CDYL: variants seen among roughly 807,000 people sequenced by gnomAD.
CDYL encodes chromodomain Y-like protein.
Under a neutral mutation model 47.3 loss-of-function variants are expected in CDYL, and 8 were observed. The ratio of observed to expected loss-of-function variants is 0.17; its 90% confidence interval spans 0.10 to 0.31. The LOEUF (loss-of-function observed/expected upper bound fraction) is 0.31. Among genes scored for constraint, CDYL ranks in the 10% least tolerant of loss-of-function variants. The pLI is 1.00. For missense variants in CDYL, 471 were observed against 701.4 expected, an observed-to-expected ratio of 0.67 and a Z score of 3.71; for synonymous variants, 266 against 265.0, an observed-to-expected ratio of 1.00 and a Z score of -0.04.
At chr6:4,842,495 A>T (rs1760530913) in intron 1 of CDYL, among the ~76,000 whole-genome samples, 1 of 151,814 alleles carries the variant, frequency 6.6e-6, no homozygotes, top group South Asian at 2.1e-4. Context: ...TTTCTGTTGG[A>T]CTAGTCCTTT....
chr6:4,777,716 T>G (rs1329589795), intron 1 of CDYL, among the ~76,000 whole-genome samples: 1 of 152,218 alleles, frequency 6.6e-6, no homozygotes, highest in African/African-American at 2.4e-5. Flanking sequence ...GTTGAGGGAC[T>G]TAAGGAAGCA....
At chr6:4,852,352 A>T (rs1445965872) in intron 1 of CDYL, among the ~76,000 whole-genome samples, 2 of 125,762 alleles carry the variant, frequency 1.6e-5, no homozygotes, top group African/African-American at 3.2e-5. Flanking sequence ...CCTTCCTTCC[A>T]ATCTTCCTTC....
At chr6:4,894,866 TATACACAC>T (rs1344103724) in intron 2 of CDYL, among the ~76,000 whole-genome samples, 285 of 21,920 alleles carry the variant, frequency 0.013, 2 homozygotes, top group African/African-American at 0.016. Context: ...TATATGTGTA[TATACACAC>T]ATGTGTATGT....
At chr6:4,721,299 A>C (rs948461488) in intron 2 of CDYL, among the ~76,000 whole-genome samples, 1 of 152,074 alleles carries the variant, frequency 6.6e-6, no homozygotes, top group Non-Finnish European at 1.5e-5. Context: ...GTATTTTGCT[A>C]ATCTTCTCTG....
chr6:4,834,782 T>C (rs910900810), intron 1 of CDYL, among the ~76,000 whole-genome samples: 1 of 152,128 alleles, frequency 6.6e-6, no homozygotes, highest in Admixed American at 6.5e-5. Context: ...TCTTTTTATT[T>C]TTTTTTCTCT....
At chr6:4,746,314 A>G (rs1225110658) in intron 3 of CDYL, among the ~76,000 whole-genome samples, 2 of 151,622 alleles carry the variant, frequency 1.3e-5, no homozygotes, top group African/African-American at 4.9e-5. Flanking sequence ...CAATGAACCA[A>G]GATTGCCCCA....
chr6:4,790,509 C>A (rs75826745), intron 1 of CDYL, among the ~76,000 whole-genome samples: 1,535 of 152,264 alleles, frequency 0.01, 39 homozygotes, highest in African/African-American at 0.035. Flanking sequence ...GGAAAGTAGG[C>A]GGACATTTGA....
In CDYL at chr6:4,852,360, TTCCTTCCTTCC is replaced by T. The variant is rs1265958473; in HGVS notation, c.25-39340_25-39330del. On this transcript the variant is annotated intron_variant, in intron 1 of 6. Coordinates refer to ENST00000397588, the MANE Select transcript of CDYL (RefSeq NM_004824.4). Reference sequence around the variant, plus strand: ...CCTCCTTCCTTCCTTCCAATCTTCCTTCCTTCCTTCCTCCTTCCTTCCTATCTTCCTTCCTT... The same window carrying T: ...CCTCCTTCCTTCCTTCCAATCTTCCTTCCTTCCTTCCTATCTTCCTTCCTT... Among the ~76,000 whole-genome samples, 3 of 149,906 alleles carry T rather than the reference TTCCTTCCTTCC, an allele frequency of 2.0e-5. No individual in the cohort carries two copies. The East Asian group carries it at 5.9e-4, about 30-fold the overall frequency.
At chr6:4,760,767 G>C (rs775209785) in intron 3 of CDYL, among the ~76,000 whole-genome samples, 6 of 151,958 alleles carry the variant, frequency 3.9e-5, no homozygotes, top group African/African-American at 7.3e-5. Flanking sequence ...AGAAATCTGG[G>C]CTTAATATAG....
intron 3 of CDYL, among the ~76,000 whole-genome samples, chr6:4,751,783 C>A (rs1187176181): frequency 6.6e-6 from 1 of 152,196 alleles, no homozygotes; most frequent in Non-Finnish European, 1.5e-5. Context: ...GAAGAAGAAA[C>A]CATACTTAGA....
At chr6:4,942,902 CTCT>C (rs1366544883) in intron 4 of CDYL, among the ~76,000 whole-genome samples, 1 of 152,222 alleles carries the variant, frequency 6.6e-6, no homozygotes, top group Non-Finnish European at 1.5e-5. Flanking sequence ...GTGCTGTTTG[CTCT>C]TCTTGTTTGC....
chr6:4,782,375 G>A (rs1303829091), intron 1 of CDYL, among the ~76,000 whole-genome samples: 1 of 152,104 alleles, frequency 6.6e-6, no homozygotes, highest in African/African-American at 2.4e-5. Flanking sequence ...GTGAATTACA[G>A]GAATGAATCT....
At chr6:4,813,777 T>C (rs947973102) in intron 1 of CDYL, among the ~76,000 whole-genome samples, 7 of 152,194 alleles carry the variant, frequency 4.6e-5, no homozygotes, top group Non-Finnish European at 8.8e-5. Flanking sequence ...TTTTTCGTTT[T>C]TCTGTTTTTT....
intron 1 of CDYL, among the ~76,000 whole-genome samples, chr6:4,860,636 T>C (rs1032085160): frequency 6.8e-6 from 1 of 147,684 alleles, no homozygotes; most frequent in Non-Finnish European, 1.5e-5. Flanking sequence ...TTATGTATAT[T>C]ATATAATATA....
chr6:4,932,988 G>A (rs943673622), intron 2 of CDYL, among the ~76,000 whole-genome samples: 7 of 152,110 alleles, frequency 4.6e-5, no homozygotes, highest in African/African-American at 1.2e-4. Flanking sequence ...TTCTCCCTGC[G>A]TCGCCTCTTC....
chr6:4,769,003 A>G (rs997294075), intron 3 of CDYL, among the ~76,000 whole-genome samples: 10 of 152,198 alleles, frequency 6.6e-5, no homozygotes, highest in African/African-American at 2.2e-4. Context: ...CACAAAATGT[A>G]CTCTTCAAAA....
intron 3 of CDYL, among the ~76,000 whole-genome samples, chr6:4,737,728 T>C (rs1396015746): frequency 1.3e-5 from 2 of 152,032 alleles, no homozygotes; most frequent in East Asian, 3.9e-4. Context: ...GGTTTCACCA[T>C]GTTGGCCAGG....
chr6:4,820,192 AC>A (rs1023248045), intron 1 of CDYL, among the ~76,000 whole-genome samples: 35 of 152,148 alleles, frequency 2.3e-4, no homozygotes, highest in African/African-American at 8.4e-4. Flanking sequence ...GCATAAATGC[AC>A]CCAACAGGTA....
intron 5 of CDYL, chr6:4,943,962 C>G (rs1483128906): frequency 2.1e-6 from 1 of 481,088 alleles, no homozygotes; most frequent in Non-Finnish European, 3.7e-6. Flanking sequence ...GAGGAGCCTA[C>G]CACTTTGCAT....
Sources: allele counts gnomAD v4.1 joint callset (sites outside exome capture counted in the v4.1 genomes callset), GRCh38; gene constraint gnomAD v4.1.1; transcripts MANE v1.5; gene names NCBI Gene and HGNC (gene_info 2026-07-23, HGNC 2026-07-21).